The following PCSK6 variants were observed in gnomAD, a reference collection of about 807,000 sequenced individuals.
The protein encoded by PCSK6 is proprotein convertase subtilisin/kexin type 6.
In PCSK6, 85 loss-of-function variants were observed where a neutral mutation model predicts 123.3. The ratio of observed to expected loss-of-function variants is 0.69; its 90% confidence interval spans 0.58 to 0.83. The LOEUF is 0.83. Among genes scored for constraint, PCSK6 ranks in the 40% least tolerant of loss-of-function variants. PCSK6 has a pLI of 0.00. For missense variants in PCSK6, 1,191 were observed against 1,282.3 expected, an observed-to-expected ratio of 0.93 and a Z score of 1.09; for synonymous variants, 508 against 516.0, an observed-to-expected ratio of 0.98 and a Z score of 0.21.
rs2042477264 is a variant in PCSK6, at chr15:101,398,307, G to A, written c.996+97C>T. ...GTCACAGCAGAGTCTTCCCTGTCTT[G>A]TTTCAGGGCTGTGGCCAGTGTCACT... On this transcript the variant is annotated intron_variant, in intron 7 of 21. Coordinates refer to ENST00000611716, the MANE Select transcript of PCSK6 (RefSeq NM_002570.5). This position sits in a 1 kb window ranked among gnomAD's most constrained non-coding sequence, Gnocchi z 4.6. The A allele has an allele frequency of 1.4e-6, 2 of 1,403,996 alleles. No homozygotes were observed. The highest frequency in any genetic ancestry group is 4.7e-5 in the East Asian group (2 of 42,750). 87.0% of individuals were successfully genotyped at this position (1,403,996 alleles called of 1,614,324 possible). A position where few individuals can be genotyped will look rare whatever the true frequency, so the allele number is the denominator to read the frequency against.
intron 13 of PCSK6, among the ~76,000 whole-genome samples, chr15:101,349,389 A>T (rs962795449): frequency 6.6e-6 from 1 of 152,208 alleles, no homozygotes; most frequent in Non-Finnish European, 1.5e-5. Flanking sequence ...AGCCAACCCA[A>T]TAGCAGCCCA....
chr15:101,383,008 A>G (rs187858593), intron 10 of PCSK6, among the ~76,000 whole-genome samples: 10 of 152,322 alleles, frequency 6.6e-5, no homozygotes, highest in Admixed American at 4.6e-4. Context: ...TATCAGACTT[A>G]GTGTCAAATT....
chr15:101,443,603 T>C lies in PCSK6; in HGVS notation c.355A>G (p.Thr119Ala). The C allele has an allele frequency of 6.2e-7, 1 of 1,613,972 alleles. No individual in the cohort carries two copies. The highest frequency in any genetic ancestry group is 1.7e-5 in the Admixed American group (1 of 60,024). The change falls in exon 2 of 22, where the codon ACC (threonine) becomes GCC (alanine). Residue 119 changes from threonine (T) to alanine (A), a missense_variant. Physicochemically the swap from Thr to Ala is moderately conservative, Grantham distance 58. Around this residue, in one of 3 missense-constraint regions of PCSK6, gnomAD observed 204 missense variants for 166.4 expected, o/e 1.23. Coordinates refer to ENST00000611716, the MANE Select transcript of PCSK6 (RefSeq NM_002570.5). ...GTGTGAGGGCCTCTGCTACTCAAGG[T>C]TGATCTTTTAAAGGTTTTGCTGTGA... Reference protein sequence around the residue: ...FYHSKTFKRSTLSSRGPHTFL... With the variant: ...FYHSKTFKRSALSSRGPHTFL...
intron 13 of PCSK6, among the ~76,000 whole-genome samples, chr15:101,349,351 A>T (rs374162922): frequency 6.6e-6 from 1 of 152,238 alleles, no homozygotes; most frequent in East Asian, 1.9e-4. Flanking sequence ...GCTGAGTTCA[A>T]AAGTCAGAAG....
At chr15:101,477,244 CGTGTGT>C (rs536606180) in intron 1 of PCSK6, among the ~76,000 whole-genome samples, 5 of 151,334 alleles carry the variant, frequency 3.3e-5, no homozygotes, top group African/African-American at 1.2e-4. Flanking sequence ...TATGTGTGTG[CGTGTGT>C]GTGTGTGTCT....
chr15:101,392,635 A>G (rs904150137), intron 8 of PCSK6, among the ~76,000 whole-genome samples: 1 of 138,042 alleles, frequency 7.2e-6, no homozygotes, highest in Non-Finnish European at 1.5e-5. Flanking sequence ...GTAGGGAAGG[A>G]AAAAGCACAA....
Position 101,305,416 on chromosome 15 carries a change from A to G in PCSK6, c.2813-61T>C, listed in dbSNP as rs1050151813. The G allele has an allele frequency of 6.9e-7, 1 of 1,454,122 alleles. No homozygotes were observed. The highest frequency in any genetic ancestry group is 9.5e-7 in the Non-Finnish European group (1 of 1,056,012). The allele number at this position is 1,454,122 out of a possible 1,614,324, so 90.1% of individuals were successfully genotyped here. On this transcript the variant is annotated intron_variant, in intron 21 of 21. Transcript: ENST00000611716. This position sits in a 1 kb window ranked among gnomAD's most constrained non-coding sequence, Gnocchi z 4.8. ...AGGTCAGTCTTCGGTGCCTGTGAAG[A>G]TTGTTTCAAGGCCGGGCGCGGTGCC...
intron 1 of PCSK6, among the ~76,000 whole-genome samples, chr15:101,454,976 G>GAATAAATA (rs1179710613): frequency 7.5e-6 from 1 of 132,608 alleles, no homozygotes; most frequent in Non-Finnish European, 1.5e-5. Flanking sequence ...ATGAATGAAT[G>GAATAAATA]AATGAATAAA....
intron 11 of PCSK6, among the ~76,000 whole-genome samples, chr15:101,375,598 C>T (rs191798413): frequency 9.9e-5 from 15 of 152,264 alleles, no homozygotes; most frequent in Admixed American, 7.2e-4. Flanking sequence ...TTTGTATCCC[C>T]CAAACTAACA....
chr15:101,442,925 T>C (rs1407040481), intron 2 of PCSK6, among the ~76,000 whole-genome samples: 1 of 152,166 alleles, frequency 6.6e-6, no homozygotes, highest in African/African-American at 2.4e-5. Flanking sequence ...ACATGGAAGG[T>C]ATTCCAAAAA....
intron 15 of PCSK6, among the ~76,000 whole-genome samples, chr15:101,329,974 C>T (rs1041162872): frequency 6.6e-6 from 1 of 152,236 alleles, no homozygotes; most frequent in African/African-American, 2.4e-5. Context: ...AGGCGTCCCA[C>T]ACCTGCTGAA....
At chr15:101,313,086 C>T (rs756197769) in intron 20 of PCSK6, 46 of 1,345,322 alleles carry the variant, frequency 3.4e-5, no homozygotes, top group Non-Finnish European at 4.5e-5. Flanking sequence ...GCGACATGGG[C>T]AGGGACGTCC....
At chr15:101,481,243 C>T (rs1017426374) in intron 1 of PCSK6, among the ~76,000 whole-genome samples, 22 of 151,966 alleles carry the variant, frequency 1.4e-4, no homozygotes, top group African/African-American at 3.6e-4. Flanking sequence ...GTACATCCGG[C>T]GGGCTGGGGA....
intron 6 of PCSK6, among the ~76,000 whole-genome samples, chr15:101,401,697 A>C (rs542397369): frequency 2.0e-4 from 30 of 152,332 alleles, no homozygotes; most frequent in African/African-American, 7.0e-4. Context: ...ATGTCAAACA[A>C]ATGAAATCGG....
intron 6 of PCSK6, among the ~76,000 whole-genome samples, chr15:101,418,763 T>C (rs1460815409): frequency 3.3e-5 from 5 of 152,202 alleles, no homozygotes; most frequent in Non-Finnish European, 5.9e-5. Context: ...TCCACCCACT[T>C]TGACCTCCCA....
At chr15:101,410,759 C>T (rs867575749) in intron 6 of PCSK6, among the ~76,000 whole-genome samples, 2 of 152,186 alleles carry the variant, frequency 1.3e-5, no homozygotes, top group Non-Finnish European at 2.9e-5. Flanking sequence ...GGCTTCAGGG[C>T]AACAGGCCTG....
intron 6 of PCSK6, among the ~76,000 whole-genome samples, chr15:101,403,069 C>T (rs1008805357): frequency 3.6e-4 from 55 of 152,082 alleles, no homozygotes; most frequent in Admixed American, 1.3e-3. Flanking sequence ...GGCACATATA[C>T]GCCATGGAAT....
chr15:101,476,883 G>T (rs2057744659), intron 1 of PCSK6, among the ~76,000 whole-genome samples: 1 of 152,300 alleles, frequency 6.6e-6, no homozygotes, highest in Middle Eastern at 3.4e-3. Flanking sequence ...ACCAAGTGTG[G>T]ACCCTCTGCA....
At chr15:101,453,618 T>A (rs544838559) in intron 1 of PCSK6, among the ~76,000 whole-genome samples, 1 of 152,290 alleles carries the variant, frequency 6.6e-6, no homozygotes, top group Admixed American at 6.5e-5. Flanking sequence ...TGGCAACTCA[T>A]TGTACATGTT....
Sources: allele counts gnomAD v4.1 joint callset (sites outside exome capture counted in the v4.1 genomes callset), GRCh38; gene constraint gnomAD v4.1.1; regional missense constraint gnomAD v4.1.1; non-coding constraint Gnocchi (gnomAD v3.1); transcripts MANE v1.5; gene names NCBI Gene and HGNC (gene_info 2026-07-23, HGNC 2026-07-21).